The following BMP2K variants were observed in gnomAD, a reference collection of about 807,000 sequenced individuals.
BMP2K encodes BMP2 inducible kinase.
Under a neutral mutation model 116.0 loss-of-function variants are expected in BMP2K, and 74 were observed. The observed-to-expected ratio is 0.64, with a 90% CI of 0.53 to 0.77. The LOEUF (loss-of-function observed/expected upper bound fraction) is 0.77. Among genes scored for constraint, BMP2K ranks in the 30% least tolerant of loss-of-function variants. The probability of loss-of-function intolerance (pLI) is 0.00; values close to 1 mark genes in which losing one functional copy is unlikely to be tolerated. For missense variants in BMP2K, 1,365 were observed against 1,403.6 expected (o/e 0.97, Z 0.44); for synonymous variants, 486 against 502.5 (o/e 0.97, Z 0.44).
intron 6 of BMP2K, among the ~76,000 whole-genome samples, chr4:78,848,743 A>C (rs1043818035): frequency 1.3e-5 from 2 of 151,324 alleles, no homozygotes; most frequent in Non-Finnish European, 3.0e-5. Flanking sequence ...TTTATATATT[A>C]GTTACAGAGT....
chr4:78,910,373 G>A (rs1317839076), intron 15 of BMP2K, among the ~76,000 whole-genome samples: 1 of 152,214 alleles, frequency 6.6e-6, no homozygotes, highest in South Asian at 2.1e-4. Context: ...AGAGTACGAT[G>A]AGGCAGGGTG....
chr4:78,790,673 C>T (rs2109932604), intron 1 of BMP2K, among the ~76,000 whole-genome samples: 1 of 152,210 alleles, frequency 6.6e-6, no homozygotes, highest in Admixed American at 6.5e-5. Context: ...CCATCATTAT[C>T]AAGAAGAATT....
At chr4:78,891,821 G>A (rs1167101043) in intron 15 of BMP2K, among the ~76,000 whole-genome samples, 1 of 152,112 alleles carries the variant, frequency 6.6e-6, no homozygotes, top group Non-Finnish European at 1.5e-5. Context: ...ATGTAAAGAA[G>A]TTTGCTTATT....
intron 1 of BMP2K, among the ~76,000 whole-genome samples, chr4:78,822,322 G>T (rs1051706316): frequency 1.3e-5 from 2 of 152,094 alleles, no homozygotes; most frequent in Admixed American, 6.5e-5. Context: ...ATTATTTCAT[G>T]TGTAAATGTT....
At chr4:78,796,078 A>G (rs1267715514) in intron 1 of BMP2K, among the ~76,000 whole-genome samples, 16 of 152,136 alleles carry the variant, frequency 1.1e-4, no homozygotes, top group African/African-American at 3.9e-4. Context: ...GCTGCTATAA[A>G]GACACATGCA....
intron 1 of BMP2K, among the ~76,000 whole-genome samples, chr4:78,814,752 A>G (rs1237738309): frequency 6.6e-6 from 1 of 152,086 alleles, no homozygotes; most frequent in African/African-American, 2.4e-5. Flanking sequence ...GAACAGACTA[A>G]TACACTTGTC....
chr4:78,826,788 A>G (rs1729894465), intron 2 of BMP2K, among the ~76,000 whole-genome samples: 2 of 151,094 alleles, frequency 1.3e-5, no homozygotes, highest in African/African-American at 4.9e-5. Flanking sequence ...TTTTTTTCTT[A>G]AATACTTTTT....
intron 8 of BMP2K, chr4:78,860,133 A>G: frequency 2.0e-6 from 1 of 491,978 alleles, no homozygotes; most frequent in Admixed American, 2.3e-5. Flanking sequence ...AGTGGGAACT[A>G]AACAATGTGT....
rs1480324153 is a variant in BMP2K, at chr4:78,776,587, G to A, written c.44G>A (p.Gly15Asp). Residue 15 changes from glycine (G) to aspartate (D), a missense_variant, in exon 1 of 16, where the codon GGC (glycine) becomes GAC (aspartate). This residue lies in a region of BMP2K where 762 missense variants were observed against 756.7 expected (regional missense o/e 1.01). Transcript: ENST00000502613. ...ATGCCCAAGTCGGAGGGCGGCAGCGGCGGCGGAGCGGCGGGTGGCGGGGCT... is the reference window on the plus strand; with the variant it reads ...ATGCCCAAGTCGGAGGGCGGCAGCGACGGCGGAGCGGCGGGTGGCGGGGCT... Reference protein sequence around the residue: ...SRMPKSEGGSGGGAAGGGAGG... With the variant: ...SRMPKSEGGSDGGAAGGGAGG... The A allele has an allele frequency of 1.3e-5, 15 of 1,167,826 alleles. No individual in the cohort carries two copies. Among genetic ancestry groups the A allele is most frequent in the African/African-American group, 3.2e-5 (2 of 61,578 alleles). The allele number at this position is 1,167,826 out of a possible 1,614,324, so 72.3% of individuals were successfully genotyped here.
At chr4:78,800,527 C>G (rs979701423) in intron 1 of BMP2K, among the ~76,000 whole-genome samples, 11 of 152,100 alleles carry the variant, frequency 7.2e-5, no homozygotes, top group Non-Finnish European at 1.3e-4. Flanking sequence ...AGTTTTAATT[C>G]TACTTTAATG....
At chr4:78,809,117 G>T (rs1728959239) in intron 1 of BMP2K, among the ~76,000 whole-genome samples, 1 of 152,140 alleles carries the variant, frequency 6.6e-6, no homozygotes, top group South Asian at 2.1e-4. Context: ...TTTGCCTCAT[G>T]CATTTTGGGG....
At position 78,911,159 on chromosome 4, in the gene BMP2K, C is replaced by A; in HGVS notation, c.2612C>A (p.Pro871His). 1 of 1,613,806 alleles carries A rather than the reference C, an allele frequency of 6.2e-7. No individual in the cohort carries two copies. Among genetic ancestry groups the A allele is most frequent in the South Asian group, 1.1e-5 (1 of 91,034 alleles). ...TTCTTTGCAGTGCGTGCTCAACAGC[C>A]CCAGCAAGAAAAGAATGAAAAGAAC... ...VPFFAVRAQQ[P>H]QQEKNEKNLP... is the part of the protein sequence containing the mutation. The change falls in exon 16 of 16, where the codon CCC becomes CAC. Residue 871 changes from proline to histidine, a missense_variant. Around this residue, in one of 3 missense-constraint regions of BMP2K, gnomAD observed 596 missense variants for 623.2 expected, o/e 0.96. Coordinates refer to ENST00000502613, the MANE Select transcript of BMP2K (RefSeq NM_198892.2).
At chr4:78,777,798 G>C (rs577798039) in intron 1 of BMP2K, among the ~76,000 whole-genome samples, 1 of 152,176 alleles carries the variant, frequency 6.6e-6, no homozygotes, top group Non-Finnish European at 1.5e-5. Flanking sequence ...ATACACAACA[G>C]TAAATTAGCA....
At chr4:78,839,722 C>G (rs1352289617) in intron 3 of BMP2K, among the ~76,000 whole-genome samples, 2 of 152,158 alleles carry the variant, frequency 1.3e-5, no homozygotes, top group African/African-American at 4.8e-5. Context: ...GCCAGTCCGA[C>G]TGCAAAAACT....
intron 14 of BMP2K, among the ~76,000 whole-genome samples, chr4:78,885,717 C>T (rs1203562767): frequency 6.6e-6 from 1 of 152,114 alleles, no homozygotes; most frequent in Non-Finnish European, 1.5e-5. Context: ...CAAAGGTCTG[C>T]TGGTAGAAAT....
At chr4:78,889,479 C>CT (rs1160968400) in intron 15 of BMP2K, among the ~76,000 whole-genome samples, 1 of 152,090 alleles carries the variant, frequency 6.6e-6, no homozygotes, top group Non-Finnish European at 1.5e-5. Context: ...TATATTGCTA[C>CT]TTATTATAAA....
chr4:78,872,343 A>G (rs978282655), intron 12 of BMP2K: 6 of 225,122 alleles, frequency 2.7e-5, no homozygotes, highest in Admixed American at 8.5e-5. Context: ...AGCAACCACT[A>G]TATTAGTGAC....
chr4:78,815,393 T>G (rs1184273643), intron 1 of BMP2K, among the ~76,000 whole-genome samples: 1 of 152,168 alleles, frequency 6.6e-6, no homozygotes, highest in Non-Finnish European at 1.5e-5. Context: ...ATATTTTGAT[T>G]TACTTCTTTT....
At chr4:78,782,510 A>G (rs1245188497) in intron 1 of BMP2K, among the ~76,000 whole-genome samples, 1 of 152,178 alleles carries the variant, frequency 6.6e-6, no homozygotes, top group Non-Finnish European at 1.5e-5. Flanking sequence ...TTGCAAATTG[A>G]AGAGCACCAA....
Sources: gnomAD v4.1 joint callset for allele counts (sites outside exome capture counted in the v4.1 genomes callset) on GRCh38, gnomAD v4.1.1 for gene constraint, gnomAD v4.1.1 regional missense constraint, MANE v1.5 for transcripts, NCBI Gene and HGNC (gene_info 2026-07-23, HGNC 2026-07-21) for gene names.